ECI1: variants seen among roughly 807,000 people sequenced by gnomAD.
The protein encoded by ECI1 is enoyl-CoA delta isomerase 1, also known as enoyl-CoA delta isomerase 1, mitochondrial.
In ECI1, 34 loss-of-function variants were observed where a neutral mutation model predicts 34.2. That is an observed-to-expected ratio of 1.00 (90% CI 0.76 to 1.33). The LOEUF is 1.33. Among genes scored for constraint, ECI1 ranks in the 40% most tolerant of loss-of-function variants. The probability of loss-of-function intolerance (pLI) is 0.00; values close to 1 mark genes in which losing one functional copy is unlikely to be tolerated. For missense variants in ECI1, 456 were observed against 422.2 expected (o/e 1.08, Z -0.70); for synonymous variants, 211 against 193.0 (o/e 1.09, Z -0.77).
In ECI1 at chr16:2,239,883, C is replaced by A; in HGVS notation, c.*96G>T. 7.5e-7 allele frequency: 1 copy of A among 1,338,252 alleles called. No individual in the cohort carries two copies. The highest frequency in any genetic ancestry group is 1.1e-6 in the Non-Finnish European group (1 of 931,550). The allele number at this position is 1,338,252 out of a possible 1,614,324, so 82.9% of individuals were successfully genotyped here. A position where few individuals can be genotyped will look rare whatever the true frequency, so the allele number is the denominator to read the frequency against. ...TCTACGTAACATCAGCAAAATGAAACGCTGGCAGTACTTTTAAGTTGAAAA... is the reference window on the plus strand; with the variant it reads ...TCTACGTAACATCAGCAAAATGAAAAGCTGGCAGTACTTTTAAGTTGAAAA... On this transcript the variant is annotated 3_prime_UTR_variant, in exon 7 of 7. Transcript: ENST00000301729.
At chr16:2,251,236 T>C (rs2093552654) in intron 2 of ECI1, 80 bp downstream of exon 2, 3 of 612,582 alleles carry the variant, frequency 4.9e-6, no homozygotes, top group African/African-American at 2.0e-5. Context: ...ACAGACGTGG[T>C]TCTCCGACAG....
intron 3 of ECI1, 25 bp from the exon 4 acceptor site, chr16:2,244,577 G>A (rs113602974): frequency 0.011 from 17,501 of 1,565,204 alleles, 169 homozygotes; most frequent in Middle Eastern, 0.031. Context: ...GGGGCCACAT[G>A]CCCATCAGAG....
intron 4 of ECI1, 88 bp from the exon 5 acceptor site, chr16:2,243,527 C>A: frequency 6.5e-7 from 1 of 1,541,010 alleles, no homozygotes; most frequent in Non-Finnish European, 8.8e-7. Context: ...AGGGCCTGTG[C>A]CCTTGGCGCA....
chr16:2,244,811 G>A (rs2093536553), intron 3 of ECI1, among the ~76,000 whole-genome samples: 1 of 152,226 alleles, frequency 6.6e-6, no homozygotes, highest in Non-Finnish European at 1.5e-5. Flanking sequence ...GGCAGCGCCA[G>A]GCACCTCTCA....
At chr16:2,249,636 C>T (rs1332469381) in intron 2 of ECI1, among the ~76,000 whole-genome samples, 3 of 151,058 alleles carry the variant, frequency 2.0e-5, no homozygotes, top group Admixed American at 6.6e-5. Context: ...CTTTGGGAGG[C>T]CGAGGCGGGT....
chr16:2,242,877 G>C, intron 6 of ECI1, 169 bp downstream of exon 6: 1 of 644,468 alleles, frequency 1.6e-6, no homozygotes, highest in Non-Finnish European at 2.8e-6. Flanking sequence ...GAGCTTCTGC[G>C]GTCTGGGCCA....
intron 2 of ECI1, among the ~76,000 whole-genome samples, chr16:2,250,918 T>A (rs1777398551): frequency 8.2e-6 from 1 of 121,246 alleles, no homozygotes; most frequent in African/African-American, 2.6e-5. Context: ...ACCTCCCAGA[T>A]TCCAGCGATT....
rs910626189 is a variant in ECI1 at position 2,246,787 on chromosome 16, C to T, written c.294+72G>A. 30 of 1,603,580 alleles carry T rather than the reference C, an allele frequency of 1.9e-5. No individual in the cohort carries two copies. The African/African-American group carries it at 3.5e-4, about 19-fold the overall frequency. ...CAGGCTCTGCCTCTTCCATGTGCAACAGGCCTGGGCTCACATCAGAGAACT... is the reference window on the plus strand; with the variant it reads ...CAGGCTCTGCCTCTTCCATGTGCAATAGGCCTGGGCTCACATCAGAGAACT... On this transcript the variant is annotated intron_variant, in intron 3 of 6. Transcript: ENST00000301729.
At chr16:2,249,825 C>T (rs1328217343) in intron 2 of ECI1, among the ~76,000 whole-genome samples, 6 of 123,406 alleles carry the variant, frequency 4.9e-5, no homozygotes, top group Admixed American at 3.2e-4. Context: ...TTGCAGTGAG[C>T]GGAGATCGTG....
chr16:2,245,348 C>T (rs1219628632), intron 3 of ECI1, among the ~76,000 whole-genome samples: 1 of 152,222 alleles, frequency 6.6e-6, no homozygotes, highest in African/African-American at 2.4e-5. Context: ...TGGATGTTTA[C>T]CCCGCCCTGT....
rs571483414 is a variant in ECI1, at chr16:2,245,336, G to T, written c.295-784C>A. Among the ~76,000 whole-genome samples, 109 of 152,336 alleles carry T rather than the reference G, an allele frequency of 7.2e-4. 1 individual carries two copies. The highest frequency in any genetic ancestry group is 2.4e-3 in the African/African-American group (101 of 41,578). ...ACCCTGACTCACACAAGCAGAGCTG[G>T]GTGGATGTTTACCCCGCCCTGTCTG... On this transcript the variant is annotated intron_variant, in intron 3 of 6. Transcript: ENST00000301729.
intron 2 of ECI1, among the ~76,000 whole-genome samples, chr16:2,249,210 TA>T (rs2141509678): frequency 6.6e-6 from 1 of 152,040 alleles, no homozygotes; most frequent in South Asian, 2.1e-4. Context: ...CACGCCCGGC[TA>T]ATTTTTTTTT....
chr16:2,240,479 G>T, intron 6 of ECI1: 2 of 305,420 alleles, frequency 6.5e-6, no homozygotes, highest in Non-Finnish European at 6.3e-6. Context: ...CCCAAGTGCT[G>T]GGATTCCAGG....
rs1268332410 is a variant in ECI1 at position 2,244,525 on chromosome 16, G to A, written c.322C>T (p.Leu108=). The A allele has an allele frequency of 1.3e-6, 2 of 1,594,750 alleles. No individual in the cohort carries two copies. The highest frequency in any genetic ancestry group is 3.5e-5 in the Admixed American group (2 of 57,262). The change falls in exon 4 of 7, where the codon CTG becomes TTG. Residue 108 remains leucine, a synonymous_variant. Coordinates refer to ENST00000301729, the MANE Select transcript of ECI1 (RefSeq NM_001919.4). The part of the protein sequence containing the change: ...SDRPGVFSAG[L]DLTEMCGRSP... ...CTCCCACACATCTCCGTCAGGTCCA[G>A]GCCGGCCGAGAAGACACCCGGGCGG...
At position 2,243,896 on chromosome 16, in the gene ECI1, C is replaced by A. The variant is rs943176764; in HGVS notation, c.442-457G>T. 7.9e-5 allele frequency among the ~76,000 whole-genome samples: 12 copies of A among 152,282 alleles called. No homozygotes were observed. The East Asian group carries it at 2.3e-3, about 29-fold the overall frequency. ...GTGGTCACTGCAGGTACCCACTGCC[C>A]CGCGCAGGACCCATCCTGTCTGCAT... On this transcript the variant is annotated intron_variant, in intron 4 of 6. Coordinates refer to ENST00000301729, the MANE Select transcript of ECI1 (RefSeq NM_001919.4).
intron 2 of ECI1, among the ~76,000 whole-genome samples, chr16:2,249,960 C>T (rs1475016093): frequency 1.1e-4 from 16 of 143,576 alleles, no homozygotes; most frequent in African/African-American, 3.1e-4. Context: ...TGCAGTGAGC[C>T]GGAACCGCGC....
intron 4 of ECI1, 85 bp downstream of exon 4, chr16:2,244,321 T>C: frequency 6.8e-7 from 1 of 1,479,110 alleles, no homozygotes; most frequent in African/African-American, 1.4e-5. Context: ...CTGTGAGAGA[T>C]TCCAAGGGCA....
Position 2,244,412 on chromosome 16 carries a change from G to A in ECI1, c.435C>T (p.Ala145=), listed in dbSNP as rs755277651. The A allele has an allele frequency of 1.2e-6, 2 of 1,612,384 alleles. No individual in the cohort carries two copies. Among genetic ancestry groups the A allele is most frequent in the South Asian group, 2.2e-5 (2 of 90,826 alleles). The change falls in exon 4 of 7, where the codon GCC becomes GCT. Residue 145 remains alanine (A), a synonymous_variant. Transcript: ENST00000301729. Reference sequence around the variant, plus strand: ...TGGGAGTGGGGACACTCACGTTGATGGCGGAGACCAGCACCAGGTTGGACT... The same window carrying A: ...TGGGAGTGGGGACACTCACGTTGATAGCGGAGACCAGCACCAGGTTGGACT... ...LYQSNLVLVS[A]INGACPAGGC... is the part of the protein sequence containing the mutation.
At chr16:2,249,074 C>A (rs2093546820) in intron 2 of ECI1, among the ~76,000 whole-genome samples, 1 of 151,918 alleles carries the variant, frequency 6.6e-6, no homozygotes, top group Non-Finnish European at 1.5e-5. Flanking sequence ...GAGACAGATT[C>A]TTGCTCTGTT....
Sources: allele counts gnomAD v4.1 joint callset (sites outside exome capture counted in the v4.1 genomes callset), GRCh38; gene constraint gnomAD v4.1.1; transcripts MANE v1.5; gene names NCBI Gene and HGNC (gene_info 2026-07-23, HGNC 2026-07-21).